CSMD1: variants seen among roughly 807,000 people sequenced by gnomAD.
CSMD1 encodes CUB and Sushi multiple domains 1.
Under a neutral mutation model 417.5 loss-of-function variants are expected in CSMD1, and 213 were observed. The ratio of observed to expected loss-of-function variants is 0.51; its 90% confidence interval spans 0.46 to 0.57. The LOEUF (loss-of-function observed/expected upper bound fraction) is 0.57. CSMD1 is among the 20% of genes least tolerant of loss of function. The pLI is 0.00. For missense variants in CSMD1, 6,923 were observed against 4,529.7 expected (o/e 1.53, Z -15.17); for synonymous variants, 2,862 against 1,736.8 (o/e 1.65, Z -16.11).
At chr8:3,134,237 G>T (rs1408545354) in intron 41 of CSMD1, among the ~76,000 whole-genome samples, 3 of 152,164 alleles carry the variant, frequency 2.0e-5, no homozygotes, top group Non-Finnish European at 2.9e-5. Context: ...AGCTCTGCCA[G>T]TGTTTGCTGC....
chr8:3,601,325 CAT>C (rs1433630535), intron 8 of CSMD1, among the ~76,000 whole-genome samples: 7 of 152,186 alleles, frequency 4.6e-5, no homozygotes, highest in Non-Finnish European at 1.0e-4. Flanking sequence ...CTTCTGCAGA[CAT>C]ATAGGAGCTG....
intron 3 of CSMD1, among the ~76,000 whole-genome samples, chr8:4,356,075 C>T (rs1022123136): frequency 6.6e-6 from 1 of 152,096 alleles, no homozygotes; most frequent in Non-Finnish European, 1.5e-5. Context: ...GTACACTGCA[C>T]CATATATGTT....
At chr8:4,126,057 A>G (rs949825541) in intron 3 of CSMD1, among the ~76,000 whole-genome samples, 2 of 151,886 alleles carry the variant, frequency 1.3e-5, no homozygotes, top group African/African-American at 2.4e-5. Context: ...ATCTGGCCCG[A>G]CCAGTTTTGC....
chr8:3,587,021 A>T (rs1317966475), intron 8 of CSMD1, among the ~76,000 whole-genome samples: 2 of 152,108 alleles, frequency 1.3e-5, no homozygotes, highest in Non-Finnish European at 1.5e-5. Flanking sequence ...GCTGGTCTTC[A>T]ACTCCTGACC....
intron 10 of CSMD1, among the ~76,000 whole-genome samples, chr8:3,536,989 A>C: frequency 6.6e-6 from 1 of 151,864 alleles, no homozygotes; most frequent in East Asian, 1.9e-4. Context: ...AATAGGTCAA[A>C]CTCTTTTTTT....
chr8:3,735,060 A>G (rs1259399385), intron 6 of CSMD1, among the ~76,000 whole-genome samples: 1 of 152,222 alleles, frequency 6.6e-6, no homozygotes, highest in Non-Finnish European at 1.5e-5. Context: ...GAATGTGGAC[A>G]TGGGAGGACA....
intron 1 of CSMD1, among the ~76,000 whole-genome samples, chr8:4,738,727 G>C (rs1053101621): frequency 2.0e-5 from 3 of 152,048 alleles, no homozygotes; most frequent in Non-Finnish European, 4.4e-5. Context: ...TAAATTTGCT[G>C]TATCATAATG....
intron 22 of CSMD1, among the ~76,000 whole-genome samples, chr8:3,347,775 G>A (rs535003042): frequency 7.2e-5 from 11 of 152,126 alleles, no homozygotes; most frequent in Admixed American, 2.0e-4. Context: ...ATGTTAGATC[G>A]AGGTTTATCT....
rs559892050 is a variant in CSMD1 at position 4,545,422 on chromosome 8, G to C, written c.302+91920C>G. ...TCAACGTCTGCCTTGATTAATAAGA[G>C]TCCTACATATTAGGAGAGAGGTAAA... On this transcript the variant is annotated intron_variant, in intron 2 of 69. Transcript: ENST00000635120. Among the ~76,000 whole-genome samples, 11 of 152,236 alleles carry C rather than the reference G, an allele frequency of 7.2e-5. No homozygotes were observed. The South Asian group carries it at 8.3e-4, about 11-fold the overall frequency.
chr8:3,662,079 C>T lies in CSMD1; in HGVS notation c.1010-45282G>A, dbSNP rs1489884263. ...CAACTGCTCAGTAGTTGTGTAGAAA[C>T]AGAGAAGGAGCATGCTTAAAGGGAC... On this transcript the variant is annotated intron_variant, in intron 7 of 69. Transcript: ENST00000635120. 3.9e-5 allele frequency among the ~76,000 whole-genome samples: 6 copies of T among 152,198 alleles called. No individual in the cohort carries two copies. In the East Asian group the frequency reaches 7.7e-4, roughly 20 times the overall value.
intron 10 of CSMD1, among the ~76,000 whole-genome samples, chr8:3,496,031 T>G (rs985362346): frequency 6.6e-6 from 1 of 152,154 alleles, no homozygotes; most frequent in African/African-American, 2.4e-5. Flanking sequence ...CCAGCATGCA[T>G]TAGCTCTTTT....
At chr8:3,741,998 CT>C (rs1796831281) in intron 6 of CSMD1, among the ~76,000 whole-genome samples, 1 of 144,380 alleles carries the variant, frequency 6.9e-6, no homozygotes, top group Non-Finnish European at 1.5e-5. Flanking sequence ...TTTTTTAACC[CT>C]GCAAATTGCC....
intron 2 of CSMD1, among the ~76,000 whole-genome samples, chr8:4,579,711 C>G (rs927140220): frequency 1.3e-5 from 2 of 152,028 alleles, no homozygotes; most frequent in Admixed American, 1.3e-4. Context: ...TCTGGAAACT[C>G]CATGTTTTTT....
At chr8:4,830,566 G>T (rs142871470) in intron 1 of CSMD1, among the ~76,000 whole-genome samples, 1 of 152,302 alleles carries the variant, frequency 6.6e-6, no homozygotes, top group Non-Finnish European at 1.5e-5. Context: ...GACATCATAA[G>T]CCATTACAAA....
chr8:4,197,112 T>G (rs533282050), intron 3 of CSMD1, among the ~76,000 whole-genome samples: 1 of 152,148 alleles, frequency 6.6e-6, no homozygotes. Flanking sequence ...ATGCAAAGTG[T>G]GTCCTCAAGC....
At chr8:3,959,535 G>T (rs1306161807) in intron 5 of CSMD1, among the ~76,000 whole-genome samples, 1 of 152,106 alleles carries the variant, frequency 6.6e-6, no homozygotes, top group African/African-American at 2.4e-5. Flanking sequence ...ACGAACGAAA[G>T]AAAGAAAAGA....
At chr8:4,169,308 T>C (rs1797632053) in intron 3 of CSMD1, among the ~76,000 whole-genome samples, 1 of 152,164 alleles carries the variant, frequency 6.6e-6, no homozygotes, top group South Asian at 2.1e-4. Flanking sequence ...TGATCCTTCC[T>C]CTAAAGCTGG....
chr8:3,990,027 T>G (rs1814626448), intron 5 of CSMD1, among the ~76,000 whole-genome samples: 2 of 152,168 alleles, frequency 1.3e-5, no homozygotes, highest in African/African-American at 4.8e-5. Context: ...ATTTGAGGAA[T>G]AAATGAGAGT....
chr8:3,630,572 G>T (rs1485684718), intron 7 of CSMD1, among the ~76,000 whole-genome samples: 1 of 152,214 alleles, frequency 6.6e-6, no homozygotes, highest in African/African-American at 2.4e-5. Flanking sequence ...AGAAGGAGAG[G>T]AGGATGTTGA....
Sources: allele counts gnomAD v4.1 joint callset (sites outside exome capture counted in the v4.1 genomes callset), GRCh38; gene constraint gnomAD v4.1.1; transcripts MANE v1.5; gene names NCBI Gene and HGNC (gene_info 2026-07-23, HGNC 2026-07-21).